The following THSD4 variants were observed in gnomAD, a reference collection of about 807,000 sequenced individuals.
THSD4 encodes the protein thrombospondin type 1 domain containing 4.
A neutral mutation model predicts 119.0 loss-of-function variants in THSD4; 69 were observed. That is an observed-to-expected ratio of 0.58 (90% CI 0.48 to 0.71). THSD4 has a LOEUF of 0.71. Among genes scored for constraint, THSD4 ranks in the 30% least tolerant of loss-of-function variants. The pLI is 0.00. For missense variants in THSD4, 1,393 were observed against 1,391.1 expected, an observed-to-expected ratio of 1.00 and a Z score of -0.02; for synonymous variants, 524 against 540.4, an observed-to-expected ratio of 0.97 and a Z score of 0.42.
At chr15:71,554,395 T>A (rs1463448585) in intron 7 of THSD4, among the ~76,000 whole-genome samples, 1 of 151,904 alleles carries the variant, frequency 6.6e-6, no homozygotes, top group African/African-American at 2.4e-5. Flanking sequence ...ATGCCCCGGT[T>A]TTTTTTGTTT....
intron 6 of THSD4, among the ~76,000 whole-genome samples, chr15:71,379,545 G>A (rs926391435): frequency 5.3e-5 from 7 of 131,106 alleles, no homozygotes; most frequent in Non-Finnish European, 1.1e-4. Context: ...TGCAAGCTCC[G>A]CCTCCAGGGT....
chr15:71,481,076 G>C (rs1294465834), intron 7 of THSD4, among the ~76,000 whole-genome samples: 2 of 151,986 alleles, frequency 1.3e-5, no homozygotes, highest in Non-Finnish European at 2.9e-5. Context: ...GATTGTTTTG[G>C]GGTAGGGAAA....
At chr15:71,288,245 C>A (rs2044744884) in intron 6 of THSD4, among the ~76,000 whole-genome samples, 1 of 152,194 alleles carries the variant, frequency 6.6e-6, no homozygotes, top group Non-Finnish European at 1.5e-5. Flanking sequence ...TGGAAACTTT[C>A]TTATCCTGTC....
chr15:71,333,065 C>T (rs2045447410), intron 6 of THSD4, among the ~76,000 whole-genome samples: 1 of 151,554 alleles, frequency 6.6e-6, no homozygotes, highest in East Asian at 1.9e-4. Flanking sequence ...CCCTTTTAGG[C>T]CTCCCTAATA....
In THSD4 at chr15:71,631,394, G is replaced by A. The variant is rs571958563; in HGVS notation, c.1153-29136G>A. On this transcript the variant is annotated intron_variant, in intron 7 of 17. Coordinates refer to ENST00000261862, the MANE Select transcript of THSD4 (RefSeq NM_024817.3). ...TCATCTTAATTTCATTAACAAGAGGGTGAAAAAGGAAAGGCCGAGAATGAC... is the reference window on the plus strand; with the variant it reads ...TCATCTTAATTTCATTAACAAGAGGATGAAAAAGGAAAGGCCGAGAATGAC... Among the ~76,000 whole-genome samples, 3 of 152,294 alleles carry A rather than the reference G, an allele frequency of 2.0e-5. No homozygotes were observed. In the South Asian group the frequency reaches 6.2e-4, roughly 32 times the overall value.
At chr15:71,590,766 G>A (rs1457314514) in intron 7 of THSD4, among the ~76,000 whole-genome samples, 1 of 152,042 alleles carries the variant, frequency 6.6e-6, no homozygotes, top group African/African-American at 2.4e-5. Context: ...CACTTTGGGA[G>A]GCCAAGGCAG....
At position 71,332,892 on chromosome 15, in the gene THSD4, A is replaced by ATTTTTTTTTTTTTTTTTTTTTTTTTTTT; in HGVS notation, c.1015+76193_1015+76194insTTTTTTTTTTTTTTTTTTTTTTTTTTTT. On this transcript the variant is annotated intron_variant, in intron 6 of 17. Transcript: ENST00000261862. ...TCTTAAAACATTGAGATTTTTTTAC[A>ATTTTTTTTTTTTTTTTTTTTTTTTTTTT]TTTTTTTTTTTTTTTTAGTTCATCA... 1.4e-3 allele frequency among the ~76,000 whole-genome samples: 110 copies of ATTTTTTTTTTTTTTTTTTTTTTTTTTTT among 76,982 alleles called. 20 individuals carry two copies. Among genetic ancestry groups the ATTTTTTTTTTTTTTTTTTTTTTTTTTTT allele is most frequent in the East Asian group, 3.7e-3 (7 of 1,878 alleles). 50.5% of individuals were successfully genotyped at this position (76,982 alleles called of 152,430 possible). A position where few individuals can be genotyped will look rare whatever the true frequency, so the allele number is the denominator to read the frequency against.
rs1017812410 is a variant in THSD4, at chr15:71,417,316, A to G, written c.1152+5493A>G. 4.6e-5 allele frequency among the ~76,000 whole-genome samples: 5 copies of G among 107,740 alleles called. 2 individuals are homozygous for G. The highest frequency in any genetic ancestry group is 1.0e-4 in the Non-Finnish European group (5 of 49,202). 70.7% of individuals were successfully genotyped at this position (107,740 alleles called of 152,430 possible). A position where few individuals can be genotyped will look rare whatever the true frequency, so the allele number is the denominator to read the frequency against. On this transcript the variant is annotated intron_variant, in intron 7 of 17. Coordinates refer to ENST00000261862, the MANE Select transcript of THSD4 (RefSeq NM_024817.3). The stretch of plus-strand genomic sequence containing the variant: ...ACTCAAGAAATCTCTGCCCAGTCCT[A>G]TGTCCCAGAGAGTTCCCCCAATGTT...
At chr15:71,619,064 G>A (rs915818536) in intron 7 of THSD4, among the ~76,000 whole-genome samples, 39 of 151,802 alleles carry the variant, frequency 2.6e-4, no homozygotes, top group Non-Finnish European at 4.6e-4. Flanking sequence ...CTGCCTCCTG[G>A]GTTCAAGCAA....
intron 7 of THSD4, among the ~76,000 whole-genome samples, chr15:71,491,295 T>C (rs1441780667): frequency 6.6e-6 from 1 of 152,028 alleles, no homozygotes; most frequent in African/African-American, 2.4e-5. Context: ...TTGAATCTCA[T>C]GTTGAAATGT....
At chr15:71,609,467 G>A (rs1483204235) in intron 7 of THSD4, among the ~76,000 whole-genome samples, 3 of 152,154 alleles carry the variant, frequency 2.0e-5, no homozygotes, top group Non-Finnish European at 4.4e-5. Context: ...AACTTGGGCT[G>A]TGGCCAGATT....
chr15:71,535,554 C>T (rs1024892508), intron 7 of THSD4, among the ~76,000 whole-genome samples: 1 of 152,120 alleles, frequency 6.6e-6, no homozygotes, highest in African/African-American at 2.4e-5. Flanking sequence ...CAGACTTTTC[C>T]AAGGCAGCCG....
At chr15:71,509,059 T>A (rs963931018) in intron 7 of THSD4, among the ~76,000 whole-genome samples, 1 of 151,700 alleles carries the variant, frequency 6.6e-6, no homozygotes, top group Non-Finnish European at 1.5e-5. Context: ...TTGGAAGCAG[T>A]CCTCCATGGG....
intron 3 of THSD4, among the ~76,000 whole-genome samples, chr15:71,173,847 A>G (rs1482483171): frequency 6.6e-6 from 1 of 152,156 alleles, no homozygotes; most frequent in Non-Finnish European, 1.5e-5. Flanking sequence ...AGAGCCCAGA[A>G]TTAAACCCTA....
At chr15:71,389,210 G>A (rs1358168040) in intron 6 of THSD4, among the ~76,000 whole-genome samples, 2 of 152,080 alleles carry the variant, frequency 1.3e-5, no homozygotes, top group Admixed American at 6.5e-5. Context: ...CATTCACATT[G>A]TTGTGCAACA....
chr15:71,163,389 C>T (rs2043264271), intron 3 of THSD4, among the ~76,000 whole-genome samples: 1 of 151,886 alleles, frequency 6.6e-6, no homozygotes. Context: ...CAAAACAGCA[C>T]TCCATCACAA....
chr15:71,662,971 G>A (rs942498675), intron 8 of THSD4, among the ~76,000 whole-genome samples: 10 of 152,160 alleles, frequency 6.6e-5, no homozygotes, highest in Admixed American at 5.2e-4. Context: ...AGTGAGGGGC[G>A]GGCAGGGAGG....
chr15:71,172,704 T>G (rs1267306769), intron 3 of THSD4, among the ~76,000 whole-genome samples: 1 of 107,732 alleles, frequency 9.3e-6, no homozygotes, highest in African/African-American at 4.6e-5. Context: ...TATATATATA[T>G]ATATATATAT....
chr15:71,271,694 CCTCT>C lies in THSD4; in HGVS notation c.1015+14987_1015+14990del, dbSNP rs1309277678. Among the ~76,000 whole-genome samples the C allele has an allele frequency of 2.6e-5, 4 of 152,162 alleles. No individual in the cohort carries two copies. In the South Asian group the frequency reaches 8.3e-4, roughly 32 times the overall value. On this transcript the variant is annotated intron_variant, in intron 6 of 17. Coordinates refer to ENST00000261862, the MANE Select transcript of THSD4 (RefSeq NM_024817.3). ...TTCTTTCTCATTGTCTCACTCTCTG[CCTCT>C]CTCTCTCACTCTGTCTCTCCAATTC...
Sources: allele counts gnomAD v4.1 joint callset (sites outside exome capture counted in the v4.1 genomes callset), GRCh38; gene constraint gnomAD v4.1.1; transcripts MANE v1.5; gene names NCBI Gene and HGNC (gene_info 2026-07-23, HGNC 2026-07-21).